Variants in RAB11FIP3 observed in about 807,000 individuals in gnomAD.
The protein encoded by RAB11FIP3 is rab11 family-interacting protein 3.
RAB11FIP3 carries 17 observed loss-of-function variants against 77.8 expected under a neutral mutation model. That is an observed-to-expected ratio of 0.22 (90% CI 0.15 to 0.33). The LOEUF is 0.33. Among genes scored for constraint, RAB11FIP3 ranks in the 10% least tolerant of loss-of-function variants. The pLI is 1.00. For synonymous variants in RAB11FIP3, 437 were observed against 448.2 expected (o/e 0.98, Z 0.31); for missense variants, 1,005 against 1,011.2 (o/e 0.99, Z 0.08).
chr16:510,534 C>A, intron 8 of RAB11FIP3, 126 bp from the exon 9 acceptor site: 1 of 1,140,592 alleles, frequency 8.8e-7, no homozygotes, highest in Non-Finnish European at 1.2e-6. Flanking sequence ...CGGGGATGCC[C>A]TTCTCGGTGC....
chr16:450,809 G>A (rs1486771754), intron 1 of RAB11FIP3, among the ~76,000 whole-genome samples: 9 of 150,856 alleles, frequency 6.0e-5, no homozygotes, highest in African/African-American at 2.2e-4. Flanking sequence ...ATTAGCCCCA[G>A]GGAGAGAGCC....
At chr16:460,577 C>T (rs1434117301) in intron 1 of RAB11FIP3, among the ~76,000 whole-genome samples, 1 of 151,972 alleles carries the variant, frequency 6.6e-6, no homozygotes, top group Non-Finnish European at 1.5e-5. Context: ...ATGTGTGAGT[C>T]ACCCTACTTA....
At chr16:469,597 C>T (rs1234952168) in intron 2 of RAB11FIP3, among the ~76,000 whole-genome samples, 3 of 151,322 alleles carry the variant, frequency 2.0e-5, no homozygotes, top group Admixed American at 6.6e-5. Context: ...ACTGTGTTGG[C>T]TGGGATGGTC....
At position 505,980 on chromosome 16, in the gene RAB11FIP3, C is replaced by G. The variant is rs890566563; in HGVS notation, c.1499+353C>G. 1.3e-5 allele frequency among the ~76,000 whole-genome samples: 2 copies of G among 152,218 alleles called. No homozygotes were observed. The highest frequency in any genetic ancestry group is 1.3e-4 in the Admixed American group (2 of 15,282). The stretch of plus-strand genomic sequence containing the variant: ...CCAGCAGGCCTGGAGGTGCAGCTCT[C>G]CCACCACTCTGGTCCATACGGGGTT... On this transcript the variant is annotated intron_variant, in intron 8 of 13. Transcript: ENST00000262305. The surrounding 1 kb of genome is among the most constrained non-coding windows in gnomAD (Gnocchi z 4.0).
chr16:450,943 C>A (rs1428163303), intron 1 of RAB11FIP3, among the ~76,000 whole-genome samples: 1 of 151,578 alleles, frequency 6.6e-6, no homozygotes. Context: ...AGGAGCCCCG[C>A]GGCCTTCTGT....
Position 520,756 on chromosome 16 carries a change from A to G in RAB11FIP3, c.2188A>G (p.Ile730Val). Residue 730 changes from isoleucine to valine, a missense_variant, in exon 14 of 14, where the codon ATC becomes GTC. Transcript: ENST00000262305. ...LMEAIQKQEEINFRLQDYIDR... is the reference protein window; with the variant it reads ...LMEAIQKQEEVNFRLQDYIDR... ...GGAGGCGATTCAGAAGCAGGAGGAG[A>G]TCAACTTCCGCCTGCAGGACTACAT... The G allele has an allele frequency of 6.2e-7, 1 of 1,613,678 alleles. No homozygotes were observed. The highest frequency in any genetic ancestry group is 8.5e-7 in the Non-Finnish European group (1 of 1,179,988).
At chr16:508,605 C>T (rs1329856842) in intron 8 of RAB11FIP3, among the ~76,000 whole-genome samples, 4 of 152,144 alleles carry the variant, frequency 2.6e-5, no homozygotes, top group Non-Finnish European at 5.9e-5. Flanking sequence ...AACTCCTGAC[C>T]TCAAGTGATC....
At chr16:450,740 G>A (rs762659244) in intron 1 of RAB11FIP3, among the ~76,000 whole-genome samples, 9 of 152,170 alleles carry the variant, frequency 5.9e-5, no homozygotes, top group Admixed American at 1.3e-4. Context: ...GGAGTTCTAT[G>A]AGCTGAGGAG....
chr16:455,912 A>G (rs1238003098), intron 1 of RAB11FIP3, among the ~76,000 whole-genome samples: 2 of 152,182 alleles, frequency 1.3e-5, no homozygotes, highest in Non-Finnish European at 2.9e-5. Context: ...CAGGCTTTAT[A>G]CTAAGTGCAT....
At chr16:440,406 C>G (rs568820718) in intron 1 of RAB11FIP3, among the ~76,000 whole-genome samples, 42 of 152,336 alleles carry the variant, frequency 2.8e-4, no homozygotes, top group African/African-American at 8.7e-4. Flanking sequence ...GCTGGGATTA[C>G]AGGCATGAGC....
chr16:503,165 T>A, intron 7 of RAB11FIP3, 68 bp downstream of exon 7: 2 of 1,313,986 alleles, frequency 1.5e-6, no homozygotes, highest in Middle Eastern at 4.8e-4. Flanking sequence ...TAAGGGCCGC[T>A]GCAGACACCC....
intron 1 of RAB11FIP3, among the ~76,000 whole-genome samples, chr16:458,695 C>T (rs921292146): frequency 1.1e-4 from 16 of 152,212 alleles, no homozygotes; most frequent in African/African-American, 3.4e-4. Flanking sequence ...TCCTGCCAGC[C>T]TGTTGCCTCT....
In RAB11FIP3 at chr16:520,241, G is replaced by A; in HGVS notation, c.1980G>A (p.Glu660=). 1 of 1,546,000 alleles carries A rather than the reference G, an allele frequency of 6.5e-7. No individual in the cohort carries two copies. The highest frequency in any genetic ancestry group is 1.2e-5 in the South Asian group (1 of 84,550). ...AGGAGTACCACAGCCGCGCCCGGGA[G>A]AGCGAGCTGGAGCAGGAGGTCCGCA... ...GLQEYHSRAR[E]SELEQEVRRL... is the part of the protein sequence containing the mutation. The change falls in exon 12 of 14, where the codon GAG becomes GAA. Residue 660 remains glutamate (E), a synonymous_variant. Transcript: ENST00000262305.
intron 3 of RAB11FIP3, among the ~76,000 whole-genome samples, chr16:476,958 G>A (rs1173128693): frequency 2.6e-5 from 4 of 151,714 alleles, no homozygotes; most frequent in East Asian, 1.9e-4. Context: ...GTGTGGTGGC[G>A]TGTGCCTGTA....
chr16:451,921 G>C (rs1056280669), intron 1 of RAB11FIP3, among the ~76,000 whole-genome samples: 1 of 152,012 alleles, frequency 6.6e-6, no homozygotes, highest in African/African-American at 2.4e-5. Flanking sequence ...AGGCCGAGGC[G>C]GTGGATTGCC....
In RAB11FIP3 at chr16:426,912, C is replaced by T. The variant is rs1444467829; in HGVS notation, c.714+192C>T. Among the ~76,000 whole-genome samples the T allele has an allele frequency of 6.6e-6, 1 of 152,192 alleles. No individual in the cohort carries two copies. Among genetic ancestry groups the T allele is most frequent in the South Asian group, 2.1e-4 (1 of 4,836 alleles). The stretch of plus-strand genomic sequence containing the variant: ...TTGAATTGCGCTGGAGTCCCTCTTC[C>T]CTTCTTAAAAGGAGGTTCTATTCTG... On this transcript the variant is annotated intron_variant, in intron 1 of 13. Coordinates refer to ENST00000262305, the MANE Select transcript of RAB11FIP3 (RefSeq NM_014700.4). This position sits in a 1 kb window ranked among gnomAD's most constrained non-coding sequence, Gnocchi z 5.0.
rs562914150 is a variant in RAB11FIP3 at position 500,279 on chromosome 16, C to T, written c.1302-2725C>T. ...TTGCTCACCAGCCAGGCTCGACCTACTGCCCTGTGGGGCAGGTCAGGCTTT... is the reference window on the plus strand; with the variant it reads ...TTGCTCACCAGCCAGGCTCGACCTATTGCCCTGTGGGGCAGGTCAGGCTTT... On this transcript the variant is annotated intron_variant, in intron 6 of 13. Coordinates refer to ENST00000262305, the MANE Select transcript of RAB11FIP3 (RefSeq NM_014700.4). Among the ~76,000 whole-genome samples the T allele has an allele frequency of 2.0e-5, 3 of 152,360 alleles. No individual in the cohort carries two copies. In the East Asian group the frequency reaches 5.8e-4, roughly 29 times the overall value.
chr16:491,738 C>T lies in RAB11FIP3; in HGVS notation c.1265+2738C>T, dbSNP rs368003521. 9.2e-5 allele frequency among the ~76,000 whole-genome samples: 14 copies of T among 152,336 alleles called. No homozygotes were observed. In the East Asian group the frequency reaches 1.7e-3, roughly 19 times the overall value. On this transcript the variant is annotated intron_variant, in intron 5 of 13. Coordinates refer to ENST00000262305, the MANE Select transcript of RAB11FIP3 (RefSeq NM_014700.4). ...CAGGGGAGCTCTTGTGGCTGGCCCT[C>T]ATGTCTAACTCCCAGTTACAGAAGA... is the stretch of plus-strand genomic sequence containing the variant.
At chr16:486,774 GC>G (rs1268249307) in intron 4 of RAB11FIP3, among the ~76,000 whole-genome samples, 2 of 152,194 alleles carry the variant, frequency 1.3e-5, no homozygotes, top group African/African-American at 4.8e-5. Context: ...GGGGTGCTGA[GC>G]CCCTCGTCAT....
Sources: gnomAD v4.1 joint callset for allele counts (sites outside exome capture counted in the v4.1 genomes callset) on GRCh38, gnomAD v4.1.1 for gene constraint, Gnocchi (gnomAD v3.1) non-coding constraint, MANE v1.5 for transcripts, NCBI Gene and HGNC (gene_info 2026-07-23, HGNC 2026-07-21) for gene names.